The following ASIC2 variants were observed in gnomAD, a reference collection of about 807,000 sequenced individuals.
The protein encoded by ASIC2 is acid-sensing ion channel 2.
In ASIC2, 25 loss-of-function variants were observed where a neutral mutation model predicts 57.3. The observed-to-expected ratio is 0.44, with a 90% CI of 0.32 to 0.61. ASIC2 has a LOEUF of 0.61. ASIC2 is among the 20% of genes least tolerant of loss of function. The pLI, the probability that ASIC2 is intolerant of heterozygous loss-of-function variation, is 0.06. For synonymous variants in ASIC2, 319 were observed against 307.5 expected, an observed-to-expected ratio of 1.04 and a Z score of -0.39; for missense variants, 641 against 738.1, an observed-to-expected ratio of 0.87 and a Z score of 1.52.
intron 3 of ASIC2, among the ~76,000 whole-genome samples, chr17:33,046,397 G>A (rs1384404820): frequency 6.6e-6 from 1 of 152,178 alleles, no homozygotes; most frequent in Non-Finnish European, 1.5e-5. Flanking sequence ...CAATGCATTT[G>A]CTGCAATTTT....
chr17:33,463,077 A>G (rs1467281037), intron 1 of ASIC2, among the ~76,000 whole-genome samples: 2 of 152,332 alleles, frequency 1.3e-5, no homozygotes, highest in South Asian at 2.1e-4. Context: ...TCTAAGACGC[A>G]GTACTCTTGA....
At chr17:33,265,672 A>C (rs886870267) in intron 1 of ASIC2, among the ~76,000 whole-genome samples, 3 of 152,150 alleles carry the variant, frequency 2.0e-5, no homozygotes, top group Non-Finnish European at 4.4e-5. Context: ...AATAAAATAA[A>C]ATTAAATGAA....
intron 1 of ASIC2, among the ~76,000 whole-genome samples, chr17:34,146,480 G>A (rs949815617): frequency 6.6e-5 from 10 of 152,252 alleles, no homozygotes; most frequent in Admixed American, 2.6e-4. Flanking sequence ...AAGGTAGGGC[G>A]GGGGAAAAGG....
intron 1 of ASIC2, among the ~76,000 whole-genome samples, chr17:33,367,165 C>T (rs983634534): frequency 6.6e-6 from 1 of 152,202 alleles, no homozygotes; most frequent in Non-Finnish European, 1.5e-5. Flanking sequence ...AGTGGCATTT[C>T]CTTCAGGGAA....
intron 1 of ASIC2, among the ~76,000 whole-genome samples, chr17:33,545,749 A>C (rs1314107458): frequency 1.3e-5 from 2 of 152,206 alleles, no homozygotes; most frequent in Admixed American, 1.3e-4. Context: ...TCCTATAAAA[A>C]TCCAAACATG....
intron 1 of ASIC2, among the ~76,000 whole-genome samples, chr17:33,744,712 C>T (rs933685060): frequency 1.3e-5 from 2 of 152,052 alleles, no homozygotes; most frequent in Non-Finnish European, 2.9e-5. Context: ...AACAAAACTG[C>T]CTGTGAAGGG....
chr17:34,010,558 G>C (rs1906676333), intron 1 of ASIC2, among the ~76,000 whole-genome samples: 1 of 151,978 alleles, frequency 6.6e-6, no homozygotes, highest in South Asian at 2.1e-4. Context: ...GATGTCTCAG[G>C]GTTTTTTCAA....
chr17:33,589,240 A>C lies in ASIC2; in HGVS notation c.556-477173T>G, dbSNP rs899327043. ...TTGAGAACATTAACAGCACGAGTAC[A>C]GTATGTTCCCAGGCACACAGAGGAT... is the stretch of plus-strand genomic sequence containing the variant. On this transcript the variant is annotated intron_variant, in intron 1 of 9. Transcript: ENST00000359872. Among the ~76,000 whole-genome samples the C allele has an allele frequency of 4.6e-5, 7 of 152,328 alleles. No homozygotes were observed. In the South Asian group the frequency reaches 1.2e-3, roughly 27 times the overall value.
Position 33,525,969 on chromosome 17 carries a change from T to C in ASIC2, c.556-413902A>G, listed in dbSNP as rs535806105. Among the ~76,000 whole-genome samples the C allele has an allele frequency of 2.6e-5, 4 of 152,306 alleles. No individual in the cohort carries two copies. In the East Asian group the frequency reaches 7.7e-4, roughly 29 times the overall value. ...TCCACTCGTGGGTATCTTCTTGTCC[T>C]AGGTCAAAATTTCCTGCACTTCACA... is the stretch of plus-strand genomic sequence containing the variant. On this transcript the variant is annotated intron_variant, in intron 1 of 9. Coordinates refer to the ASIC2 transcript ENST00000359872.
intron 1 of ASIC2, among the ~76,000 whole-genome samples, chr17:33,172,650 G>T (rs1905569821): frequency 6.6e-6 from 1 of 152,210 alleles, no homozygotes; most frequent in Non-Finnish European, 1.5e-5. Flanking sequence ...CGGAACTTCA[G>T]AGTTCACGAG....
chr17:33,396,046 A>C (rs1040897969), intron 1 of ASIC2, among the ~76,000 whole-genome samples: 2 of 152,162 alleles, frequency 1.3e-5, no homozygotes, highest in East Asian at 3.9e-4. Context: ...CTTTTTAATC[A>C]ATTGGAGGAG....
rs562440914 is a variant in ASIC2, at chr17:33,867,424, C to T, written c.555+288554G>A. Among the ~76,000 whole-genome samples, 7 of 152,192 alleles carry T rather than the reference C, an allele frequency of 4.6e-5. No individual in the cohort carries two copies. In the East Asian group the frequency reaches 1.2e-3, roughly 25 times the overall value. The stretch of plus-strand genomic sequence containing the variant: ...TTTCTCAGATGAAGAATGTAAGGCT[C>T]AAAGAGAATAAAATGAACTTACCAA... On this transcript the variant is annotated intron_variant, in intron 1 of 9. Coordinates refer to the ASIC2 transcript ENST00000359872.
chr17:33,742,607 G>A (rs917565529), intron 1 of ASIC2, among the ~76,000 whole-genome samples: 6 of 152,094 alleles, frequency 3.9e-5, no homozygotes, highest in South Asian at 2.1e-4. Context: ...ATAAATTTAC[G>A]GAACAATGCA....
intron 1 of ASIC2, among the ~76,000 whole-genome samples, chr17:33,789,463 G>GTC (rs74672095): frequency 0.082 from 4,939 of 60,294 alleles, 185 homozygotes; most frequent in African/African-American, 0.19. Context: ...GAGAATCATG[G>GTC]TCACACACAC....
chr17:33,732,049 T>C (rs889462770), intron 1 of ASIC2, among the ~76,000 whole-genome samples: 1 of 152,190 alleles, frequency 6.6e-6, no homozygotes, highest in African/African-American at 2.4e-5. Context: ...TTTATATAGA[T>C]GTAATTTGGC....
chr17:33,432,801 A>G (rs1202482661), intron 1 of ASIC2, among the ~76,000 whole-genome samples: 1 of 152,220 alleles, frequency 6.6e-6, no homozygotes, highest in Non-Finnish European at 1.5e-5. Context: ...CATATGAAAA[A>G]AAGCTCAACA....
chr17:33,969,090 G>A (rs73276651), intron 1 of ASIC2, among the ~76,000 whole-genome samples: 3,561 of 152,264 alleles, frequency 0.023, 105 homozygotes, highest in African/African-American at 0.062. Flanking sequence ...GGGTTCAGAC[G>A]TCTGTATTTG....
chr17:33,786,047 A>T lies in ASIC2; in HGVS notation c.555+369931T>A, dbSNP rs181988634. 2.6e-5 allele frequency among the ~76,000 whole-genome samples: 4 copies of T among 152,290 alleles called. No individual in the cohort carries two copies. In the East Asian group the frequency reaches 7.7e-4, roughly 29 times the overall value. On this transcript the variant is annotated intron_variant, in intron 1 of 9. Coordinates refer to the ASIC2 transcript ENST00000359872. Reference sequence around the variant, plus strand: ...CAGGGAGAGTTTAAGGAGCTTGGCAAGCTCACGCAGCTGGAAGTAAGAGAA... The same window carrying T: ...CAGGGAGAGTTTAAGGAGCTTGGCATGCTCACGCAGCTGGAAGTAAGAGAA...
At chr17:33,385,422 A>G (rs532780434) in intron 1 of ASIC2, among the ~76,000 whole-genome samples, 1 of 152,154 alleles carries the variant, frequency 6.6e-6, no homozygotes, top group Non-Finnish European at 1.5e-5. Context: ...TTCAGGGTAC[A>G]TCACTCTCTC....
Sources: gnomAD v4.1 joint callset for allele counts (sites outside exome capture counted in the v4.1 genomes callset) on GRCh38, gnomAD v4.1.1 for gene constraint, MANE v1.5 for transcripts, NCBI Gene and HGNC (gene_info 2026-07-23, HGNC 2026-07-21) for gene names.